CELF2: variants seen among roughly 807,000 people sequenced by gnomAD.
The protein encoded by CELF2 is CUG triplet repeat RNA-binding protein 2.
A neutral mutation model predicts 62.6 loss-of-function variants in CELF2; 8 were observed. That is an observed-to-expected ratio of 0.13 (90% CI 0.07 to 0.23). CELF2 has a LOEUF of 0.23. Ranked by LOEUF, CELF2 falls within the 10% of genes least tolerant of loss-of-function variation. The pLI, the probability that CELF2 is intolerant of heterozygous loss-of-function variation, is 1.00. For missense variants in CELF2, 333 were observed against 671.0 expected, an observed-to-expected ratio of 0.50 and a Z score of 5.56; for synonymous variants, 258 against 250.0, an observed-to-expected ratio of 1.03 and a Z score of -0.30.
chr10:10,806,810 A>G (rs1047340950), intron 1 of CELF2, among the ~76,000 whole-genome samples: 12 of 152,204 alleles, frequency 7.9e-5, no homozygotes, highest in Admixed American at 7.2e-4. Flanking sequence ...GTATTTGGTA[A>G]GGGGTGACCA....
chr10:11,187,456 A>C (rs914755688), intron 2 of CELF2, among the ~76,000 whole-genome samples: 3 of 152,166 alleles, frequency 2.0e-5, no homozygotes, highest in African/African-American at 7.2e-5. Flanking sequence ...TAGTCGGATC[A>C]TAATTTTTTT....
chr10:10,574,310 A>C, the CELF2 span, among the ~76,000 whole-genome samples: 1 of 152,336 alleles, frequency 6.6e-6, no homozygotes, highest in South Asian at 2.1e-4. Flanking sequence ...CTGATGACAA[A>C]GTAGAAGAAG....
chr10:10,753,406 A>C, the CELF2 span, among the ~76,000 whole-genome samples: 1 of 151,966 alleles, frequency 6.6e-6, no homozygotes, highest in African/African-American at 2.4e-5. Context: ...GTGATTCACA[A>C]AAAAATATAT....
intron 1 of CELF2, among the ~76,000 whole-genome samples, chr10:11,140,992 C>T (rs114632602): frequency 0.01 from 1,581 of 152,224 alleles, 22 homozygotes; most frequent in African/African-American, 0.036. Context: ...CTCCAGCCTG[C>T]GTGACAGAAG....
chr10:11,160,645 CAAAAAAA>C (rs35755036), intron 1 of CELF2, among the ~76,000 whole-genome samples: 1 of 96,896 alleles, frequency 1.0e-5, no homozygotes, highest in Admixed American at 1.0e-4. Context: ...TCCCAAGGAT[CAAAAAAA>C]AAAAAAAAAA....
chr10:10,799,114 A>T (rs2054374228), intron 1 of CELF2, among the ~76,000 whole-genome samples: 1 of 152,118 alleles, frequency 6.6e-6, no homozygotes, highest in South Asian at 2.1e-4. Flanking sequence ...CCTCATATTG[A>T]ATTTTTGGGC....
chr10:11,110,123 T>C lies in CELF2; in HGVS notation c.75-55363T>C, dbSNP rs2054735687. On this transcript the variant is annotated intron_variant, in intron 1 of 12. Transcript: ENST00000633077. The surrounding 1 kb of genome is among the most constrained non-coding windows in gnomAD (Gnocchi z 4.0). ...AAAATTTTTAAAAATTAGTTGGGCA[T>C]GGTGGCATGCTCCTGTAGTCCCAGC... is the stretch of plus-strand genomic sequence containing the variant. Among the ~76,000 whole-genome samples the C allele has an allele frequency of 6.6e-6, 1 of 152,042 alleles. No homozygotes were observed. The highest frequency in any genetic ancestry group is 1.5e-5 in the Non-Finnish European group (1 of 68,014).
intron 1 of CELF2, among the ~76,000 whole-genome samples, chr10:11,126,173 C>A (rs1332330795): frequency 1.3e-5 from 2 of 152,196 alleles, no homozygotes; most frequent in Admixed American, 6.5e-5. Context: ...TCCTAAGTTT[C>A]CAGTTCTCTG....
the CELF2 span, among the ~76,000 whole-genome samples, chr10:10,483,552 CT>C: frequency 6.6e-6 from 1 of 152,156 alleles, no homozygotes; most frequent in South Asian, 2.1e-4. Flanking sequence ...CTTTCTTTGC[CT>C]ATAATATAAA....
the CELF2 span, among the ~76,000 whole-genome samples, chr10:10,624,693 A>G: frequency 6.6e-6 from 1 of 152,212 alleles, no homozygotes; most frequent in Non-Finnish European, 1.5e-5. Flanking sequence ...CTCAGATCCC[A>G]ACAGATCTAA....
the CELF2 span, among the ~76,000 whole-genome samples, chr10:10,516,992 C>T: frequency 7.9e-5 from 12 of 152,252 alleles, no homozygotes; most frequent in African/African-American, 2.9e-4. Context: ...TAGGATCCCA[C>T]GCATCACCTT....
intron 1 of CELF2, among the ~76,000 whole-genome samples, chr10:10,870,470 G>A (rs1302135011): frequency 6.6e-6 from 1 of 152,080 alleles, no homozygotes; most frequent in African/African-American, 2.4e-5. Flanking sequence ...GGAAACGCCG[G>A]TGTGGCTCTC....
At chr10:11,032,311 C>T (rs2060260492) in intron 1 of CELF2, among the ~76,000 whole-genome samples, 1 of 151,954 alleles carries the variant, frequency 6.6e-6, no homozygotes, top group Admixed American at 6.6e-5. Flanking sequence ...AGCTTAAACC[C>T]CTTGAAATTG....
At chr10:10,801,509 C>CGA (rs1554838260) in intron 1 of CELF2, among the ~76,000 whole-genome samples, 1 of 152,152 alleles carries the variant, frequency 6.6e-6, no homozygotes, top group Non-Finnish European at 1.5e-5. Context: ...GGTGTGTACT[C>CGA]TAACGCCACA....
At chr10:11,251,857 C>T (rs1251817189) in intron 4 of CELF2, among the ~76,000 whole-genome samples, 1 of 152,232 alleles carries the variant, frequency 6.6e-6, no homozygotes, top group Admixed American at 6.5e-5. Flanking sequence ...ATTCCACTCA[C>T]CGAGGCAGCC....
chr10:11,311,638 T>C lies in CELF2; in HGVS notation c.977-2501T>C, dbSNP rs1290285792. Among the ~76,000 whole-genome samples the C allele has an allele frequency of 2.0e-5, 3 of 152,068 alleles. No homozygotes were observed. The highest frequency in any genetic ancestry group is 7.2e-5 in the African/African-American group (3 of 41,414). On this transcript the variant is annotated intron_variant, in intron 9 of 12. Coordinates refer to ENST00000633077, the MANE Select transcript of CELF2 (RefSeq NM_001326342.2). This position sits in a 1 kb window ranked among gnomAD's most constrained non-coding sequence, Gnocchi z 4.7. ...GCCACTGATTATGAAAAATGACCAA[T>C]CATGTTGATAACATTCTAGAAATGA...
chr10:11,101,645 T>G (rs950389453), intron 1 of CELF2, among the ~76,000 whole-genome samples: 11 of 152,234 alleles, frequency 7.2e-5, no homozygotes. Flanking sequence ...AAATTAGCTG[T>G]GCTTTCCACA....
At chr10:10,601,447 C>T in the CELF2 span, among the ~76,000 whole-genome samples, 1 of 152,188 alleles carries the variant, frequency 6.6e-6, no homozygotes, top group African/African-American at 2.4e-5. Context: ...ATAACTTAAA[C>T]CTAGAACAGC....
chr10:10,658,276 C>T, the CELF2 span, among the ~76,000 whole-genome samples: 1 of 151,756 alleles, frequency 6.6e-6, no homozygotes, highest in South Asian at 2.1e-4. Context: ...CTCTTTATGG[C>T]CTTGAGAGTG....
Sources: allele counts gnomAD v4.1 joint callset (sites outside exome capture counted in the v4.1 genomes callset), GRCh38; gene constraint gnomAD v4.1.1; non-coding constraint Gnocchi (gnomAD v3.1); transcripts MANE v1.5; gene names NCBI Gene and HGNC (gene_info 2026-07-23, HGNC 2026-07-21).